The following FRMD4A variants were observed in gnomAD, a reference collection of about 807,000 sequenced individuals.
FRMD4A encodes FERM domain containing 4A.
In FRMD4A, 29 loss-of-function variants were observed where a neutral mutation model predicts 129.1. The ratio of observed to expected loss-of-function variants is 0.22; its 90% confidence interval spans 0.17 to 0.31. The LOEUF is 0.31. Ranked by LOEUF, FRMD4A falls within the 10% of genes least tolerant of loss-of-function variation. The probability of loss-of-function intolerance (pLI) is 1.00; values close to 1 mark genes in which losing one functional copy is unlikely to be tolerated. For synonymous variants in FRMD4A, 634 were observed against 571.6 expected, an observed-to-expected ratio of 1.11 and a Z score of -1.56; for missense variants, 1,272 against 1,375.8, an observed-to-expected ratio of 0.92 and a Z score of 1.19.
chr10:13,858,176 A>G (rs2094239638), intron 3 of FRMD4A, among the ~76,000 whole-genome samples: 1 of 152,208 alleles, frequency 6.6e-6, no homozygotes, highest in South Asian at 2.1e-4. Flanking sequence ...GCTCATGTCT[A>G]TAATCCCAGC....
chr10:14,129,746 G>A (rs1263043047), intron 2 of FRMD4A, among the ~76,000 whole-genome samples: 1 of 152,068 alleles, frequency 6.6e-6, no homozygotes, highest in East Asian at 1.9e-4. Context: ...GGACTCCTGG[G>A]AAATATCTGA....
chr10:14,286,454 C>A (rs946179475), intron 2 of FRMD4A, among the ~76,000 whole-genome samples: 1 of 152,160 alleles, frequency 6.6e-6, no homozygotes, highest in Non-Finnish European at 1.5e-5. Context: ...TTTTTATATT[C>A]ATGCTGCTCT....
chr10:14,310,800 G>A (rs367664204), intron 2 of FRMD4A, among the ~76,000 whole-genome samples: 2 of 152,122 alleles, frequency 1.3e-5, no homozygotes, highest in Non-Finnish European at 2.9e-5. Flanking sequence ...CTAAAGCTCA[G>A]CTATAGAATC....
intron 2 of FRMD4A, among the ~76,000 whole-genome samples, chr10:14,219,219 G>A (rs1032039192): frequency 6.6e-6 from 1 of 152,066 alleles, no homozygotes; most frequent in Non-Finnish European, 1.5e-5. Context: ...ACTAGGGTAG[G>A]TTCCCTTTGT....
chr10:13,856,712 C>T (rs1369586878), intron 3 of FRMD4A, among the ~76,000 whole-genome samples: 1 of 152,148 alleles, frequency 6.6e-6, no homozygotes, highest in African/African-American at 2.4e-5. Flanking sequence ...ATGAACTTCT[C>T]TCGTTCGCCT....
At chr10:13,895,854 C>T (rs542841513) in intron 2 of FRMD4A, among the ~76,000 whole-genome samples, 82 of 152,156 alleles carry the variant, frequency 5.4e-4, no homozygotes, top group African/African-American at 1.1e-3. Context: ...AGAAAGTGGG[C>T]AAAAGATATG....
intron 3 of FRMD4A, among the ~76,000 whole-genome samples, chr10:13,817,930 G>T (rs113088220): frequency 2.0e-5 from 3 of 152,152 alleles, no homozygotes; most frequent in Admixed American, 6.5e-5. Flanking sequence ...ATTCCTCACA[G>T]AATACTATAT....
chr10:13,916,115 G>C (rs1218144985), intron 2 of FRMD4A, among the ~76,000 whole-genome samples: 3 of 152,236 alleles, frequency 2.0e-5, no homozygotes, highest in East Asian at 1.9e-4. Flanking sequence ...ATGGAAGCCA[G>C]TATCTCATCT....
intron 2 of FRMD4A, among the ~76,000 whole-genome samples, chr10:14,155,758 G>T (rs1840565316): frequency 6.6e-6 from 1 of 151,958 alleles, no homozygotes; most frequent in Non-Finnish European, 1.5e-5. Context: ...GTGGTTGGAG[G>T]TTTGGAGGAA....
At chr10:14,063,715 ATCACCG>A in intron 2 of FRMD4A, among the ~76,000 whole-genome samples, 1 of 152,114 alleles carries the variant, frequency 6.6e-6, no homozygotes, top group Non-Finnish European at 1.5e-5. Context: ...TAGACAGGGG[ATCACCG>A]TTTTAAACCA....
chr10:13,740,365 G>A (rs1007944575), intron 10 of FRMD4A, 114 bp from the exon 11 acceptor site: 78 of 902,930 alleles, frequency 8.6e-5, no homozygotes, highest in Admixed American at 4.5e-4. Context: ...TAAAGTTCTC[G>A]GAGTGATTAT....
Position 13,651,893 on chromosome 10 carries a change from C to CT in FRMD4A, c.*2+9dup. The CT allele has an allele frequency of 6.8e-7, 1 of 1,464,530 alleles. No homozygotes were observed. Among genetic ancestry groups the CT allele is most frequent in the Non-Finnish European group, 9.6e-7 (1 of 1,043,038 alleles). 90.7% of individuals were successfully genotyped at this position (1,464,530 alleles called of 1,614,324 possible). A position where few individuals can be genotyped will look rare whatever the true frequency, so the allele number is the denominator to read the frequency against. ...CATGGGCAGTAGGAACAAAACTCCC[C>CT]TTACGGTACCTCTATTCATCAGTAC... is the stretch of plus-strand genomic sequence containing the variant. On this transcript the variant is annotated intron_variant, in intron 24 of 24. Coordinates refer to ENST00000357447, the MANE Select transcript of FRMD4A (RefSeq NM_018027.5).
At chr10:13,779,144 C>T (rs1186706871) in intron 6 of FRMD4A, among the ~76,000 whole-genome samples, 2 of 151,960 alleles carry the variant, frequency 1.3e-5, no homozygotes, top group Admixed American at 6.6e-5. Flanking sequence ...CGGTGAAACC[C>T]CATCTCTACT....
At chr10:13,955,170 C>A (rs1451453752) in intron 2 of FRMD4A, among the ~76,000 whole-genome samples, 1 of 133,260 alleles carries the variant, frequency 7.5e-6, no homozygotes, top group Non-Finnish European at 1.5e-5. Flanking sequence ...TGCAGTGGCT[C>A]AATCTCAGCT....
intron 3 of FRMD4A, among the ~76,000 whole-genome samples, chr10:13,822,708 C>A (rs2093647615): frequency 6.6e-6 from 1 of 152,162 alleles, no homozygotes; most frequent in African/African-American, 2.4e-5. Flanking sequence ...GGGTTTCAAT[C>A]AGATCACACA....
At chr10:14,173,644 T>C (rs903567209) in intron 2 of FRMD4A, among the ~76,000 whole-genome samples, 5 of 152,158 alleles carry the variant, frequency 3.3e-5, no homozygotes, top group African/African-American at 1.2e-4. Flanking sequence ...TTACTCCTCC[T>C]GCTAAACAGC....
intron 2 of FRMD4A, among the ~76,000 whole-genome samples, chr10:14,274,474 A>G (rs1267986834): frequency 6.6e-6 from 1 of 152,140 alleles, no homozygotes; most frequent in Non-Finnish European, 1.5e-5. Flanking sequence ...GCTCTGAGGA[A>G]AGGAAAAGCT....
intron 5 of FRMD4A, among the ~76,000 whole-genome samples, chr10:13,793,410 G>A (rs1420153169): frequency 1.3e-5 from 2 of 152,100 alleles, no homozygotes; most frequent in Non-Finnish European, 2.9e-5. Context: ...AACTTCAGAT[G>A]ATCCACCCAC....
intron 2 of FRMD4A, among the ~76,000 whole-genome samples, chr10:14,327,349 C>A (rs530303895): frequency 6.6e-6 from 1 of 152,198 alleles, no homozygotes; most frequent in Non-Finnish European, 1.5e-5. Context: ...AGAGACATAA[C>A]GCTAAATAAA....
Sources: gnomAD v4.1 joint callset for allele counts (sites outside exome capture counted in the v4.1 genomes callset) on GRCh38, gnomAD v4.1.1 for gene constraint, MANE v1.5 for transcripts, NCBI Gene and HGNC (gene_info 2026-07-23, HGNC 2026-07-21) for gene names.